The following PDCD6 variants were observed in gnomAD, a reference collection of about 807,000 sequenced individuals.
PDCD6 encodes the protein programmed cell death 6.
A neutral mutation model predicts 28.3 loss-of-function variants in PDCD6; 12 were observed. The ratio of observed to expected loss-of-function variants is 0.42; its 90% confidence interval spans 0.27 to 0.69. The LOEUF is 0.69. Ranked by LOEUF, PDCD6 falls within the 30% of genes least tolerant of loss-of-function variation. PDCD6 has a pLI of 0.22. For synonymous variants in PDCD6, 92 were observed against 108.0 expected, an observed-to-expected ratio of 0.85 and a Z score of 0.92; for missense variants, 226 against 269.9, an observed-to-expected ratio of 0.84 and a Z score of 1.14.
chr5:300,076 A>G (rs146609968), intron 2 of PDCD6, among the ~76,000 whole-genome samples: 161 of 152,246 alleles, frequency 1.1e-3, no homozygotes, highest in Non-Finnish European at 2.0e-3. Flanking sequence ...GGAAGGGGTT[A>G]ACTCAGCGGG....
In PDCD6 at chr5:306,745, G is replaced by A. The variant is rs1437179325; in HGVS notation, c.352G>A (p.Ala118Thr). The A allele has an allele frequency of 6.2e-7, 1 of 1,613,704 alleles. No homozygotes were observed. The highest frequency in any genetic ancestry group is 1.3e-5 in the African/African-American group (1 of 74,914). ...GATCGATAAGAACGAGCTGAAGCAG[G>A]CCCTCTCAGGTTTCGGTAACTCACT... ...GMIDKNELKQ[A>T]LSGFGYRLSD... The change falls in exon 4 of 6, where the codon GCC becomes ACC. Residue 118 changes from alanine to threonine, a missense_variant. Physicochemically the swap from Ala to Thr is moderately conservative, Grantham distance 58. Coordinates refer to ENST00000264933, the MANE Select transcript of PDCD6 (RefSeq NM_013232.4).
At chr5:292,040 C>G (rs971501282) in intron 2 of PDCD6, among the ~76,000 whole-genome samples, 1 of 152,210 alleles carries the variant, frequency 6.6e-6, no homozygotes, top group African/African-American at 2.4e-5. Context: ...GTTCCTGCTT[C>G]TCTCCATTCT....
chr5:278,985 C>T (rs552070110), intron 2 of PDCD6, among the ~76,000 whole-genome samples: 2 of 152,028 alleles, frequency 1.3e-5, no homozygotes, highest in Non-Finnish European at 2.9e-5. Context: ...GCGGTTGTTT[C>T]GCGCCAAGCT....
At chr5:284,801 T>G (rs1432487413) in intron 2 of PDCD6, among the ~76,000 whole-genome samples, 1 of 149,672 alleles carries the variant, frequency 6.7e-6, no homozygotes, top group Non-Finnish European at 1.5e-5. Flanking sequence ...TGTACCAGTT[T>G]GAGGGCCATA....
intron 2 of PDCD6, among the ~76,000 whole-genome samples, chr5:300,626 A>G: frequency 6.6e-6 from 1 of 152,230 alleles, no homozygotes; most frequent in South Asian, 2.1e-4. Flanking sequence ...CTAGCACCTA[A>G]TGTAACCGAG....
intron 2 of PDCD6, among the ~76,000 whole-genome samples, chr5:275,080 T>C (rs528089605): frequency 1.8e-3 from 277 of 151,930 alleles, no homozygotes; most frequent in Middle Eastern, 3.4e-3. Context: ...TTCATCTCTG[T>C]GGGATGAAGC....
chr5:297,314 G>A (rs1469222815), intron 2 of PDCD6, among the ~76,000 whole-genome samples: 2 of 152,258 alleles, frequency 1.3e-5, no homozygotes, highest in African/African-American at 4.8e-5. Flanking sequence ...CGCTGTCCTA[G>A]CAGAAACTTA....
chr5:312,281 C>T (rs573635555), intron 5 of PDCD6: 1 of 152,372 alleles, frequency 6.6e-6, no homozygotes, highest in East Asian at 1.9e-4. Context: ...GAGCTCCACA[C>T]AGACCTCTGC....
chr5:288,825 T>C (rs1325341174), intron 2 of PDCD6: 2 of 1,353,510 alleles, frequency 1.5e-6, no homozygotes, highest in African/African-American at 1.5e-5. Context: ...TCTAAATGTT[T>C]CTAAATAGTC....
intron 2 of PDCD6, among the ~76,000 whole-genome samples, chr5:296,930 C>T (rs1188619367): frequency 6.6e-6 from 1 of 152,080 alleles, no homozygotes; most frequent in Non-Finnish European, 1.5e-5. Flanking sequence ...CCAGACCCAT[C>T]CACACAGTTG....
At chr5:304,589 T>G (rs1380780009) in intron 3 of PDCD6, 2 of 164,924 alleles carry the variant, frequency 1.2e-5, no homozygotes, top group Non-Finnish European at 2.6e-5. Context: ...ATTCAAATAT[T>G]TCATATGATA....
intron 2 of PDCD6, among the ~76,000 whole-genome samples, chr5:292,110 TC>T (rs1739349361): frequency 6.6e-6 from 1 of 152,220 alleles, no homozygotes; most frequent in African/African-American, 2.4e-5. Flanking sequence ...CTGGTGGGTG[TC>T]ACGTGATATC....
intron 3 of PDCD6, 55 bp from the exon 4 acceptor site, chr5:306,547 A>G: frequency 6.3e-7 from 1 of 1,598,294 alleles, no homozygotes; most frequent in Non-Finnish European, 8.6e-7. Flanking sequence ...GGGAAGCCTC[A>G]AGTGAGTTTG....
At chr5:277,299 G>GTTTTTT (rs1395797530) in intron 2 of PDCD6, among the ~76,000 whole-genome samples, 1 of 99,822 alleles carries the variant, frequency 1.0e-5, no homozygotes, top group Non-Finnish European at 2.1e-5. Flanking sequence ...CTAATTTTTT[G>GTTTTTT]TATTTTTTTT....
chr5:311,310 C>A lies in PDCD6; in HGVS notation c.385C>A (p.Gln129Lys). 1 of 1,614,058 alleles carries A rather than the reference C, an allele frequency of 6.2e-7. No homozygotes were observed. The highest frequency in any genetic ancestry group is 2.2e-5 in the East Asian group (1 of 44,890). The change falls in exon 5 of 6, where the codon CAG becomes AAG. Residue 129 changes from glutamine (Q) to lysine (K), a missense_variant. By Grantham distance (53) the Gln-to-Lys change is moderately conservative (BLOSUM62 1). Around this residue, in one of 3 missense-constraint regions of PDCD6, gnomAD observed 151 missense variants for 177.2 expected, o/e 0.85. Transcript: ENST00000264933. ...TCTTGAAGGCTACCGGCTCTCTGACCAGTTCCACGACATCCTCATTCGAAA... is the reference window on the plus strand; with the variant it reads ...TCTTGAAGGCTACCGGCTCTCTGACAAGTTCCACGACATCCTCATTCGAAA... ...LSGFGYRLSD[Q>K]FHDILIRKFD... is the part of the protein sequence containing the mutation.
chr5:276,973 G>A lies in PDCD6; in HGVS notation c.163+4201G>A, dbSNP rs10452498. On this transcript the variant is annotated intron_variant, in intron 2 of 5. Coordinates refer to ENST00000264933, the MANE Select transcript of PDCD6 (RefSeq NM_013232.4). ...TTTGATCCCTTTTCGGGTGTTTGGGGTTTTTTTAACATTCACATATTTCTT... is the reference window on the plus strand; with the variant it reads ...TTTGATCCCTTTTCGGGTGTTTGGGATTTTTTTAACATTCACATATTTCTT... The A allele has an allele frequency of 2.3e-5, 22 of 973,350 alleles. No homozygotes were observed. In the East Asian group the frequency reaches 1.7e-3, roughly 76 times the overall value. 60.3% of individuals were successfully genotyped at this position (973,350 alleles called of 1,614,324 possible).
At chr5:279,237 G>T (rs926440224) in intron 2 of PDCD6, among the ~76,000 whole-genome samples, 3 of 152,146 alleles carry the variant, frequency 2.0e-5, no homozygotes, top group African/African-American at 7.2e-5. Flanking sequence ...TCCTTGCCAG[G>T]GCCGGAGGGA....
At chr5:290,373 G>T (rs1236464544) in intron 2 of PDCD6, 15 of 943,354 alleles carry the variant, frequency 1.6e-5, no homozygotes, top group Non-Finnish European at 2.5e-5. Flanking sequence ...GTCTCTTGGG[G>T]ACCGGAATGC....
At chr5:287,594 A>G (rs963961042) in intron 2 of PDCD6, among the ~76,000 whole-genome samples, 1 of 152,242 alleles carries the variant, frequency 6.6e-6, no homozygotes, top group African/African-American at 2.4e-5. Flanking sequence ...CACACCACAC[A>G]CAATATACAT....
Sources: allele counts gnomAD v4.1 joint callset (sites outside exome capture counted in the v4.1 genomes callset), GRCh38; gene constraint gnomAD v4.1.1; regional missense constraint gnomAD v4.1.1; transcripts MANE v1.5; gene names NCBI Gene and HGNC (gene_info 2026-07-23, HGNC 2026-07-21).